ZER1: variants seen among roughly 807,000 people sequenced by gnomAD.
The protein encoded by ZER1 is zyg-11 related cell cycle regulator.
A neutral mutation model predicts 78.8 loss-of-function variants in ZER1; 11 were observed. The ratio of observed to expected loss-of-function variants is 0.14; its 90% CI spans 0.09 to 0.23. The LOEUF (loss-of-function observed/expected upper bound fraction) is 0.23, where lower values mean the gene tolerates loss of function less well. Among genes scored for constraint, ZER1 ranks in the 10% least tolerant of loss-of-function variants. The pLI is 1.00. For missense variants in ZER1, 588 were observed against 996.9 expected, an observed-to-expected ratio of 0.59 and a Z score of 5.52; for synonymous variants, 400 against 407.0, an observed-to-expected ratio of 0.98 and a Z score of 0.21.
Position 128,755,530 on chromosome 9 carries a change from G to C in ZER1, c.36C>G (p.Leu12=). 1 of 1,613,956 alleles carries C rather than the reference G, an allele frequency of 6.2e-7. No homozygotes were observed. The highest frequency in any genetic ancestry group is 1.1e-5 in the South Asian group (1 of 91,080). Residue 12 remains leucine, a synonymous_variant, in exon 2 of 16, where the codon CTC becomes CTG. Coordinates refer to ENST00000291900, the MANE Select transcript of ZER1 (RefSeq NM_006336.4). This position sits in a 1 kb window ranked among gnomAD's most constrained non-coding sequence, Gnocchi z 5.6. ...GGTTGCGCAAGCAGAAGTCAGTACA[G>C]AGGGCCATCAGCGACTCGGGAGTGT... ...ASDTPESLMA[L]CTDFCLRNLD...
At chr9:128,739,823 G>T in intron 13 of ZER1, 108 bp downstream of exon 13, 1 of 1,353,062 alleles carries the variant, frequency 7.4e-7, no homozygotes, top group Non-Finnish European at 1.0e-6. Flanking sequence ...CCCTACAGAA[G>T]ACCAGAAGGA....
At chr9:128,763,873 G>A (rs1314170637) in intron 1 of ZER1, among the ~76,000 whole-genome samples, 1 of 152,156 alleles carries the variant, frequency 6.6e-6, no homozygotes, top group Admixed American at 6.5e-5. Flanking sequence ...TGTAATCCCA[G>A]CTACTCGGGA....
intron 9 of ZER1, among the ~76,000 whole-genome samples, chr9:128,742,134 A>C (rs1003050274): frequency 2.6e-5 from 4 of 152,210 alleles, no homozygotes; most frequent in African/African-American, 9.6e-5. Flanking sequence ...TGAGACCAGA[A>C]GCTCTTGAGC....
intron 13 of ZER1, among the ~76,000 whole-genome samples, chr9:128,735,792 T>G (rs921189590): frequency 6.6e-5 from 8 of 121,704 alleles, no homozygotes; most frequent in African/African-American, 1.3e-4. Flanking sequence ...TTTTTTTTTT[T>G]TGTGAGACGG....
At chr9:128,766,347 CAAA>C (rs1190668112) in intron 1 of ZER1, among the ~76,000 whole-genome samples, 5 of 53,428 alleles carry the variant, frequency 9.4e-5, no homozygotes, top group Non-Finnish European at 8.7e-5. Context: ...GATTCCATCT[CAAA>C]AAAAAAAAAA....
Position 128,747,560 on chromosome 9 carries a change from A to G in ZER1, c.1359+3056T>C, listed in dbSNP as rs142413055. Among the ~76,000 whole-genome samples the G allele has an allele frequency of 6.8e-3, 1,034 of 152,304 alleles. 6 individuals are homozygous for G. The highest frequency in any genetic ancestry group is 0.011 in the Non-Finnish European group (722 of 68,036). On this transcript the variant is annotated intron_variant, in intron 8 of 15. Coordinates refer to ENST00000291900, the MANE Select transcript of ZER1 (RefSeq NM_006336.4). ...AAGTGGCTTTCGCTCTATTTAATAC[A>G]TTCTTGTATCACTTGAATTTTTTCA...
Position 128,750,411 on chromosome 9 carries a change from C to T in ZER1, c.1359+205G>A, listed in dbSNP as rs1462637264. On this transcript the variant is annotated intron_variant, in intron 8 of 15. Transcript: ENST00000291900. ...GGCAGGGTCCCTGGGCCCCCACCCC[C>T]ACATGGGGCAGGGAGGAGGATGGAG... 3.3e-5 allele frequency among the ~76,000 whole-genome samples: 5 copies of T among 152,186 alleles called. No homozygotes were observed. In the East Asian group the frequency reaches 9.6e-4, roughly 29 times the overall value.
rs60923356 is a variant in ZER1, at chr9:128,765,212, TACACACACACAC to T, written c.-95+6357_-95+6368del. Among the ~76,000 whole-genome samples, 285 of 149,796 alleles carry T rather than the reference TACACACACACAC, an allele frequency of 1.9e-3. 2 individuals are homozygous for T. Among genetic ancestry groups the T allele is most frequent in the South Asian group, 6.2e-3 (29 of 4,708 alleles). On this transcript the variant is annotated intron_variant, in intron 1 of 15. Transcript: ENST00000291900. ...TTGCATGCCTGCATCCATGCACATG[TACACACACACAC>T]ACACACACACACACACACACACACA...
intron 10 of ZER1, 53 bp from the exon 11 acceptor site, chr9:128,741,707 G>C (rs1391884180): frequency 6.2e-7 from 1 of 1,613,834 alleles, no homozygotes; most frequent in Non-Finnish European, 8.5e-7. Context: ...GGGGAGGGGG[G>C]CCCCTGACAA....
chr9:128,753,690 G>A lies in ZER1; in HGVS notation c.310-90C>T, dbSNP rs1863762612. 1 of 1,565,934 alleles carries A rather than the reference G, an allele frequency of 6.4e-7. No individual in the cohort carries two copies. Among genetic ancestry groups the A allele is most frequent in the African/African-American group, 1.4e-5 (1 of 74,044 alleles). ...CCCTGGGCTACAGGTGGGTTGGAAA[G>A]GGGGATGTGCACAGTCACGGTGCAC... On this transcript the variant is annotated intron_variant, in intron 3 of 15. Coordinates refer to ENST00000291900, the MANE Select transcript of ZER1 (RefSeq NM_006336.4). The surrounding 1 kb of genome is among the most constrained non-coding windows in gnomAD (Gnocchi z 7.5).
rs1431813909 is a variant in ZER1 at position 128,730,171 on chromosome 9, C to A, written c.*1166G>T. On this transcript the variant is annotated 3_prime_UTR_variant, in exon 16 of 16. Transcript: ENST00000291900. Reference sequence around the variant, plus strand: ...GCGCTGCTCCCCAGGCCCCTGCGCTCCACAAGTGTCCGATGAGAAGCAATG... The same window carrying A: ...GCGCTGCTCCCCAGGCCCCTGCGCTACACAAGTGTCCGATGAGAAGCAATG... The A allele has an allele frequency of 6.6e-6, 1 of 152,640 alleles. No homozygotes were observed. The highest frequency in any genetic ancestry group is 2.4e-5 in the African/African-American group (1 of 41,484). The allele number at this position is 152,640 out of a possible 1,614,324, so 9.5% of individuals were successfully genotyped here. A position where few individuals can be genotyped will look rare whatever the true frequency, so the allele number is the denominator to read the frequency against.
rs1383725438 is a variant in ZER1 at position 128,755,048 on chromosome 9, GT to G, written c.158+359del. ...TGTGCATGTGAATGTACATACACGTGTGGGGCAACACTTAATTCCTTCATTT... is the reference window on the plus strand; with the variant it reads ...TGTGCATGTGAATGTACATACACGTGGGGGCAACACTTAATTCCTTCATTT... On this transcript the variant is annotated intron_variant, in intron 2 of 15. Coordinates refer to ENST00000291900, the MANE Select transcript of ZER1 (RefSeq NM_006336.4). The surrounding 1 kb of genome is among the most constrained non-coding windows in gnomAD (Gnocchi z 5.6). Among the ~76,000 whole-genome samples the G allele has an allele frequency of 6.6e-6, 1 of 152,204 alleles. No homozygotes were observed. The highest frequency in any genetic ancestry group is 1.5e-5 in the Non-Finnish European group (1 of 68,038).
rs940406169 is a variant in ZER1, at chr9:128,754,635, A to G, written c.159-676T>C. On this transcript the variant is annotated intron_variant, in intron 2 of 15. Transcript: ENST00000291900. The surrounding 1 kb of genome is among the most constrained non-coding windows in gnomAD (Gnocchi z 4.3). ...TCCACCTCTGTCCTCAGGCCCACAC[A>G]GGCTTCTAGTTTCCTATGCAGCTGT... Among the ~76,000 whole-genome samples the G allele has an allele frequency of 6.6e-6, 1 of 151,824 alleles. No individual in the cohort carries two copies. The highest frequency in any genetic ancestry group is 1.5e-5 in the Non-Finnish European group (1 of 67,952).
chr9:128,731,441 G>GGGC, intron 15 of ZER1, 47 bp from the exon 16 acceptor site: 1 of 704,916 alleles, frequency 1.4e-6, no homozygotes, highest in Non-Finnish European at 2.6e-6. Flanking sequence ...CTTGGGTGGG[G>GGGC]GTGAGCCCAG....
Position 128,740,624 on chromosome 9 carries a change from G to C in ZER1, c.1853+148C>G, listed in dbSNP as rs934056992. On this transcript the variant is annotated intron_variant, in intron 12 of 15. Transcript: ENST00000291900. The surrounding 1 kb of genome is among the most constrained non-coding windows in gnomAD (Gnocchi z 4.4). ...TAATTACAAAAGGACCACTTACGAA[G>C]GATTGAATGAATAAGAAACCACATT... 1.7e-6 allele frequency: 1 copy of C among 578,752 alleles called. No individual in the cohort carries two copies. The highest frequency in any genetic ancestry group is 3.1e-5 in the Admixed American group (1 of 32,758). The allele number at this position is 578,752 out of a possible 1,614,324, so 35.9% of individuals were successfully genotyped here.
At chr9:128,745,441 AACC>A (rs1863456993) in intron 8 of ZER1, among the ~76,000 whole-genome samples, 1 of 151,790 alleles carries the variant, frequency 6.6e-6, no homozygotes, top group Admixed American at 6.6e-5. Context: ...GGCTCGCTGC[AACC>A]ACCTTCCAGT....
At position 128,739,785 on chromosome 9, in the gene ZER1, G is replaced by A. The variant is rs565498465; in HGVS notation, c.2042+146C>T. 42 of 962,988 alleles carry A rather than the reference G, an allele frequency of 4.4e-5. No individual in the cohort carries two copies. The African/African-American group carries it at 5.5e-4, about 13-fold the overall frequency. The allele number at this position is 962,988 out of a possible 1,614,324, so 59.7% of individuals were successfully genotyped here. A position where few individuals can be genotyped will look rare whatever the true frequency, so the allele number is the denominator to read the frequency against. On this transcript the variant is annotated intron_variant, in intron 13 of 15. Coordinates refer to ENST00000291900, the MANE Select transcript of ZER1 (RefSeq NM_006336.4). ...CTTATGTATGCTCTGTGCTGTGTGC[G>A]GCTACGTATCAATGAGTGAAAGCAG... is the stretch of plus-strand genomic sequence containing the variant.
intron 1 of ZER1, among the ~76,000 whole-genome samples, chr9:128,759,186 T>G (rs550181918): frequency 5.3e-5 from 8 of 151,640 alleles, no homozygotes; most frequent in Non-Finnish European, 1.0e-4. Flanking sequence ...TTTTTTTTCT[T>G]TTGAGACGGA....
intron 5 of ZER1, among the ~76,000 whole-genome samples, chr9:128,752,027 C>T (rs1189345860): frequency 2.6e-5 from 4 of 152,210 alleles, no homozygotes; most frequent in African/African-American, 7.2e-5. Flanking sequence ...GGGTAGTTCC[C>T]CTGTCGCTCC....
Sources: gnomAD v4.1 joint callset for allele counts (sites outside exome capture counted in the v4.1 genomes callset) on GRCh38, gnomAD v4.1.1 for gene constraint, Gnocchi (gnomAD v3.1) non-coding constraint, MANE v1.5 for transcripts, NCBI Gene and HGNC (gene_info 2026-07-23, HGNC 2026-07-21) for gene names.